The following FAM110B variants were observed in gnomAD, a reference collection of about 807,000 sequenced individuals.
FAM110B encodes the protein family with sequence similarity 110 member B.
A neutral mutation model predicts 20.4 loss-of-function variants in FAM110B; 6 were observed. That is an observed-to-expected ratio of 0.29 (90% CI 0.16 to 0.58). The LOEUF is 0.58. FAM110B is among the 20% of genes least tolerant of loss of function. The pLI, the probability that FAM110B is intolerant of heterozygous loss-of-function variation, is 0.90. For synonymous variants in FAM110B, 226 were observed against 214.1 expected, an observed-to-expected ratio of 1.06 and a Z score of -0.49; for missense variants, 434 against 498.2, an observed-to-expected ratio of 0.87 and a Z score of 1.23.
chr8:58,061,974 C>A (rs986645388), intron 2 of FAM110B, among the ~76,000 whole-genome samples: 1 of 152,166 alleles, frequency 6.6e-6, no homozygotes, highest in Non-Finnish European at 1.5e-5. Context: ...AGAAACTATT[C>A]TGATGTTCAT....
intron 1 of FAM110B, among the ~76,000 whole-genome samples, chr8:57,996,301 A>G (rs2150560123): frequency 6.6e-6 from 1 of 152,338 alleles, no homozygotes; most frequent in South Asian, 2.1e-4. Context: ...AGTGCCTTGC[A>G]TATAGTTCTA....
chr8:58,089,365 A>T (rs942096848), intron 3 of FAM110B, among the ~76,000 whole-genome samples: 1 of 151,896 alleles, frequency 6.6e-6, no homozygotes, highest in Non-Finnish European at 1.5e-5. Context: ...TGTCAGATTC[A>T]CTCTAATCTA....
At chr8:58,027,843 A>G (rs1483985886) in intron 1 of FAM110B, among the ~76,000 whole-genome samples, 1 of 152,234 alleles carries the variant, frequency 6.6e-6, no homozygotes, top group Non-Finnish European at 1.5e-5. Flanking sequence ...TCCATTCACC[A>G]GATGATGGAC....
At chr8:58,001,365 A>AGT (rs1195945134) in intron 1 of FAM110B, among the ~76,000 whole-genome samples, 3 of 129,156 alleles carry the variant, frequency 2.3e-5, no homozygotes, top group African/African-American at 3.4e-5. Context: ...TCATGGAGCT[A>AGT]GTGTGTGCAG....
At chr8:58,064,650 TG>T in intron 2 of FAM110B, among the ~76,000 whole-genome samples, 1 of 152,274 alleles carries the variant, frequency 6.6e-6, no homozygotes, top group Non-Finnish European at 1.5e-5. Flanking sequence ...ATCATCCAAG[TG>T]GGGAGAATTT....
intron 2 of FAM110B, among the ~76,000 whole-genome samples, chr8:58,041,338 G>A (rs940168442): frequency 1.3e-5 from 2 of 152,058 alleles, no homozygotes; most frequent in African/African-American, 4.8e-5. Context: ...CAAGAAATGG[G>A]ACCACTGTTT....
At chr8:58,018,599 T>A (rs1275002109) in intron 1 of FAM110B, among the ~76,000 whole-genome samples, 5 of 152,210 alleles carry the variant, frequency 3.3e-5, no homozygotes, top group Non-Finnish European at 7.3e-5. Flanking sequence ...TCCATTTACA[T>A]TGATTGTAAT....
At chr8:58,117,955 G>A (rs750410350) in intron 3 of FAM110B, among the ~76,000 whole-genome samples, 1 of 152,142 alleles carries the variant, frequency 6.6e-6, no homozygotes, top group African/African-American at 2.4e-5. Context: ...AAATTAAGAA[G>A]TATCTGTCTT....
At chr8:58,072,817 A>C (rs1805936207) in intron 2 of FAM110B, among the ~76,000 whole-genome samples, 1 of 152,230 alleles carries the variant, frequency 6.6e-6, no homozygotes, top group Non-Finnish European at 1.5e-5. Flanking sequence ...CAGTTTAAAA[A>C]CTGAAGTCAT....
At chr8:58,122,822 C>T (rs1225223639) in intron 3 of FAM110B, among the ~76,000 whole-genome samples, 3 of 152,096 alleles carry the variant, frequency 2.0e-5, no homozygotes, top group African/African-American at 7.2e-5. Context: ...TGCCCATTAC[C>T]ATTTAAAAGG....
intron 3 of FAM110B, among the ~76,000 whole-genome samples, chr8:58,104,874 G>A (rs565991884): frequency 6.7e-6 from 1 of 149,708 alleles, no homozygotes; most frequent in East Asian, 2.0e-4. Context: ...AATAAATGTT[G>A]AATTTTAACT....
In FAM110B at chr8:58,063,536, G is replaced by A. The variant is rs151187902; in HGVS notation, c.-413-11999G>A. Among the ~76,000 whole-genome samples, 860 of 152,164 alleles carry A rather than the reference G, an allele frequency of 5.7e-3. 6 individuals are homozygous for A. The highest frequency in any genetic ancestry group is 0.019 in the African/African-American group (805 of 41,508). On this transcript the variant is annotated intron_variant, in intron 2 of 3. Coordinates refer to ENST00000519262, the MANE Select transcript of FAM110B (RefSeq NM_001377989.1). ...TTTTTCAGATTTTGTAATATTTTCC[G>A]AGAACATACTGCTTGAGCATCCCTA...
At chr8:58,024,525 A>G (rs1245044388) in intron 1 of FAM110B, among the ~76,000 whole-genome samples, 1 of 152,184 alleles carries the variant, frequency 6.6e-6, no homozygotes, top group African/African-American at 2.4e-5. Flanking sequence ...CAAAGTAGGC[A>G]TTATTTCTAT....
chr8:58,073,627 G>T (rs1411446587), intron 2 of FAM110B, among the ~76,000 whole-genome samples: 1 of 152,164 alleles, frequency 6.6e-6, no homozygotes, highest in Non-Finnish European at 1.5e-5. Flanking sequence ...ATTTAGAAAT[G>T]CATCTTAGAT....
At chr8:58,073,881 C>A (rs1296270766) in intron 2 of FAM110B, among the ~76,000 whole-genome samples, 1 of 152,136 alleles carries the variant, frequency 6.6e-6, no homozygotes, top group Non-Finnish European at 1.5e-5. Flanking sequence ...AATTTTAACT[C>A]TTGACAAATT....
chr8:58,072,541 G>A (rs746106384), intron 2 of FAM110B, among the ~76,000 whole-genome samples: 6 of 152,072 alleles, frequency 3.9e-5, no homozygotes, highest in East Asian at 3.8e-4. Context: ...GATGTATCAC[G>A]TCTTAACTTT....
intron 3 of FAM110B, among the ~76,000 whole-genome samples, chr8:58,084,674 C>T (rs1806287327): frequency 6.6e-6 from 1 of 152,138 alleles, no homozygotes; most frequent in African/African-American, 2.4e-5. Context: ...AGGCATGAGC[C>T]ACCGTGCCTG....
At chr8:58,000,537 A>C (rs1362979812) in intron 1 of FAM110B, among the ~76,000 whole-genome samples, 1 of 152,210 alleles carries the variant, frequency 6.6e-6, no homozygotes, top group African/African-American at 2.4e-5. Flanking sequence ...TTTAATGAAT[A>C]AAATGCCAAG....
intron 1 of FAM110B, among the ~76,000 whole-genome samples, chr8:58,005,520 T>C (rs1804384084): frequency 6.6e-6 from 1 of 152,168 alleles, no homozygotes; most frequent in African/African-American, 2.4e-5. Flanking sequence ...CTTCTATTTG[T>C]AAAAAAACAT....
Sources: allele counts gnomAD v4.1 joint callset (sites outside exome capture counted in the v4.1 genomes callset), GRCh38; gene constraint gnomAD v4.1.1; transcripts MANE v1.5; gene names NCBI Gene and HGNC (gene_info 2026-07-23, HGNC 2026-07-21).